Variants in ARL8B observed in about 807,000 individuals in gnomAD.
ARL8B encodes ADP-ribosylation factor-like protein 8B.
ARL8B carries 9 observed loss-of-function variants against 30.6 expected under a neutral mutation model. The ratio of observed to expected loss-of-function variants is 0.29; its 90% CI spans 0.18 to 0.51. ARL8B has a LOEUF of 0.51. Among genes scored for constraint, ARL8B ranks in the 20% least tolerant of loss-of-function variants. The pLI is 0.97. For synonymous variants in ARL8B, 74 were observed against 76.0 expected (o/e 0.97, Z 0.14); for missense variants, 130 against 227.2 (o/e 0.57, Z 2.75).
intron 1 of ARL8B, among the ~76,000 whole-genome samples, chr3:5,145,087 CT>C (rs56778477): frequency 0.39 from 59,495 of 151,782 alleles, 13,480 homozygotes; most frequent in African/African-American, 0.65. Context: ...CATTATCTCT[CT>C]TTGCCATCTA....
chr3:5,170,456 G>A (rs559173044), intron 1 of ARL8B, 47 bp from the exon 2 acceptor site: 2 of 1,304,324 alleles, frequency 1.5e-6, no homozygotes, highest in South Asian at 1.3e-5. Flanking sequence ...TTTATGCAGT[G>A]TCATTATAAG....
chr3:5,140,614 T>C (rs1299473252), intron 1 of ARL8B, among the ~76,000 whole-genome samples: 2 of 152,062 alleles, frequency 1.3e-5, no homozygotes, highest in Non-Finnish European at 2.9e-5. Context: ...TAGTGAATGT[T>C]GGAGCAGTCT....
At chr3:5,161,972 G>T (rs892971240) in intron 1 of ARL8B, among the ~76,000 whole-genome samples, 2 of 152,196 alleles carry the variant, frequency 1.3e-5, no homozygotes, top group African/African-American at 4.8e-5. Flanking sequence ...GTACATAGAG[G>T]CAGAGACAAG....
At chr3:5,148,162 A>G (rs1035626823) in intron 1 of ARL8B, among the ~76,000 whole-genome samples, 16 of 152,152 alleles carry the variant, frequency 1.1e-4, no homozygotes, top group Admixed American at 5.9e-4. Flanking sequence ...GCCCAGGTGT[A>G]AAAGCTGGGT....
intron 2 of ARL8B, 49 bp downstream of exon 2, chr3:5,170,632 TA>T: frequency 7.2e-7 from 1 of 1,387,548 alleles, no homozygotes; most frequent in Non-Finnish European, 1.0e-6. Context: ...CACAGACCCC[TA>T]GAAATTTTTC....
In ARL8B at chr3:5,158,824, T is replaced by TGAGATTC. The variant is rs1261987190; in HGVS notation, c.124-11679_124-11678insGAGATTC. Among the ~76,000 whole-genome samples, 443 of 152,352 alleles carry TGAGATTC rather than the reference T, an allele frequency of 2.9e-3. 3 individuals carry two copies. Among genetic ancestry groups the TGAGATTC allele is most frequent in the African/African-American group, 0.01 (436 of 41,578 alleles). ...AATTTCATTTTATTAGTCCCTTGAT[T>TGAGATTC]CTGTCTTACTTTAATAGGTCTTGAT... On this transcript the variant is annotated intron_variant, in intron 1 of 6. Transcript: ENST00000256496.
At chr3:5,171,871 ATTAG>A (rs2054679914) in intron 2 of ARL8B, among the ~76,000 whole-genome samples, 1 of 152,262 alleles carries the variant, frequency 6.6e-6, no homozygotes, top group Non-Finnish European at 1.5e-5. Flanking sequence ...ATAGAAGTAT[ATTAG>A]TTAACAGGCA....
intron 1 of ARL8B, among the ~76,000 whole-genome samples, chr3:5,159,602 CAAAAA>C (rs71053495): frequency 0.011 from 864 of 77,076 alleles, 6 homozygotes; most frequent in African/African-American, 0.038. Flanking sequence ...AACTCCGTCT[CAAAAA>C]AAAAAAAAAA....
chr3:5,156,050 G>A (rs959023114), intron 1 of ARL8B, among the ~76,000 whole-genome samples: 5 of 151,880 alleles, frequency 3.3e-5, no homozygotes, highest in African/African-American at 9.7e-5. Context: ...CTACAGGTGC[G>A]CACCACCATG....
At chr3:5,178,615 TGTTTA>T (rs1432098559) in intron 6 of ARL8B, 44 bp from the exon 7 acceptor site, 7 of 1,554,000 alleles carry the variant, frequency 4.5e-6, no homozygotes. Context: ...CTCTGTTTGA[TGTTTA>T]GTTTTTTAAC....
At chr3:5,135,927 C>G (rs1178038318) in intron 1 of ARL8B, among the ~76,000 whole-genome samples, 1 of 151,272 alleles carries the variant, frequency 6.6e-6, no homozygotes, top group Non-Finnish European at 1.5e-5. Context: ...GCTGGGATTA[C>G]AGGCACATGC....
chr3:5,159,218 C>T (rs960996945), intron 1 of ARL8B, among the ~76,000 whole-genome samples: 9 of 146,264 alleles, frequency 6.2e-5, no homozygotes, highest in Middle Eastern at 3.8e-3. Context: ...GAGGATCCCC[C>T]GAGCCCGGGA....
chr3:5,156,763 GTT>G (rs1359865683), intron 1 of ARL8B: 2 of 152,052 alleles, frequency 1.3e-5, no homozygotes, highest in East Asian at 3.9e-4. Context: ...TAATTTTTGT[GTT>G]TTTAGTAGAG....
At chr3:5,134,777 G>T (rs534382259) in intron 1 of ARL8B, among the ~76,000 whole-genome samples, 22 of 152,182 alleles carry the variant, frequency 1.4e-4, no homozygotes, top group Non-Finnish European at 2.9e-4. Flanking sequence ...AGTGCTCACA[G>T]ATAGCAGTTC....
chr3:5,167,467 A>G (rs1018445873), intron 1 of ARL8B, among the ~76,000 whole-genome samples: 3 of 152,220 alleles, frequency 2.0e-5, no homozygotes, highest in African/African-American at 4.8e-5. Flanking sequence ...GTTAGGTTCT[A>G]TCTGTGATGT....
chr3:5,171,568 G>A (rs1020721777), intron 2 of ARL8B, among the ~76,000 whole-genome samples: 2 of 151,976 alleles, frequency 1.3e-5, no homozygotes, highest in East Asian at 1.9e-4. Flanking sequence ...GGCTGGTCTC[G>A]AACTCCTGAC....
Position 5,122,302 on chromosome 3 carries a change from C to T in ARL8B, c.-164C>T, listed in dbSNP as rs2054188281. 5 of 1,507,584 alleles carry T rather than the reference C, an allele frequency of 3.3e-6. No individual in the cohort carries two copies. The South Asian group carries it at 3.7e-5, about 11-fold the overall frequency. The allele number at this position is 1,507,584 out of a possible 1,614,324, so 93.4% of individuals were successfully genotyped here. ...GGGGTAGGGCGAGTCATATGATCCGCTCGGCTTCCTGGGTCTGGCTGCTGC... is the reference window on the plus strand; with the variant it reads ...GGGGTAGGGCGAGTCATATGATCCGTTCGGCTTCCTGGGTCTGGCTGCTGC... On this transcript the variant is annotated 5_prime_UTR_variant, in exon 1 of 7. Coordinates refer to ENST00000256496, the MANE Select transcript of ARL8B (RefSeq NM_018184.3).
In ARL8B at chr3:5,122,423, C is replaced by T. The variant is rs780415604; in HGVS notation, c.-43C>T. The T allele has an allele frequency of 6.8e-6, 11 of 1,609,732 alleles. No individual in the cohort carries two copies. Among genetic ancestry groups the T allele is most frequent in the Non-Finnish European group, 9.3e-6 (11 of 1,178,918 alleles). On this transcript the variant is annotated 5_prime_UTR_variant, in exon 1 of 7. Transcript: ENST00000256496. ...CTCGTGTGGAAGTCGTCGACGCCGC[C>T]GCTCGTCCGTCCTCCCGTCCGTTCT...
intron 1 of ARL8B, chr3:5,157,108 A>G (rs893459123): frequency 5.3e-5 from 8 of 152,206 alleles, no homozygotes; most frequent in Non-Finnish European, 1.2e-4. Context: ...CCCACCTTCT[A>G]TGGGCTTTGG....
Sources: allele counts gnomAD v4.1 joint callset (sites outside exome capture counted in the v4.1 genomes callset), GRCh38; gene constraint gnomAD v4.1.1; transcripts MANE v1.5; gene names NCBI Gene and HGNC (gene_info 2026-07-23, HGNC 2026-07-21).